CENPI: variants seen among roughly 807,000 people sequenced by gnomAD.
CENPI encodes the protein centromere protein I, also known as FSH primary response 1.
Under a neutral mutation model 60.4 loss-of-function variants are expected in CENPI, and 4 were observed. That is an observed-to-expected ratio of 0.07 (90% CI 0.03 to 0.15). CENPI has a LOEUF of 0.15. Among genes scored for constraint, CENPI ranks in the 10% least tolerant of loss-of-function variants. The pLI is 1.00. For synonymous variants in CENPI, 157 were observed against 189.4 expected (o/e 0.83, Z 1.40); for missense variants, 444 against 534.5 (o/e 0.83, Z 1.67).
At chrX:101,131,685 T>A (rs1435831959) in intron 13 of CENPI, among the ~76,000 whole-genome samples, 6 of 110,965 alleles carry the variant, frequency 5.4e-5, no homozygotes, top group Admixed American at 2.9e-4. Context: ...CTGGTGCATG[T>A]CACTGTGAAA....
chrX:101,111,272 C>T (rs1264795959), intron 6 of CENPI, among the ~76,000 whole-genome samples: 1 of 111,230 alleles, frequency 9.0e-6, no homozygotes, highest in Non-Finnish European at 1.9e-5. Flanking sequence ...CTAGGTATAA[C>T]ATGATGTCCT....
chrX:101,138,705 A>G (rs953671118), intron 15 of CENPI, among the ~76,000 whole-genome samples: 1 of 108,673 alleles, frequency 9.2e-6, no homozygotes, highest in Non-Finnish European at 1.9e-5. Flanking sequence ...GGCTCACTGC[A>G]ACCTCTGCTT....
rs1198984528 is a variant in CENPI at position 101,164,354 on chromosome X, A to G, written c.*1387A>G. Among the ~76,000 whole-genome samples the G allele has an allele frequency of 9.0e-6, 1 of 110,657 alleles. No individual in the cohort carries two copies. The highest frequency in any genetic ancestry group is 9.7e-5 in the Admixed American group (1 of 10,272). ...TTTGTTTTTGTTTTTGTTTTTTGAG[A>G]TGGAGTCTCACTCTGTTGCCCAGGC... On this transcript the variant is annotated 3_prime_UTR_variant, in exon 22 of 22. Coordinates refer to ENST00000682095, the MANE Select transcript of CENPI (RefSeq NM_001386188.2).
At chrX:101,104,988 ATT>A (rs1271458747) in intron 4 of CENPI, among the ~76,000 whole-genome samples, 7 of 111,652 alleles carry the variant, frequency 6.3e-5, no homozygotes, top group Non-Finnish European at 1.1e-4. Context: ...GTGTGTATTT[ATT>A]TTAAAGTAAC....
At chrX:101,151,073 C>G (rs1351868331) in intron 20 of CENPI, among the ~76,000 whole-genome samples, 2 of 111,655 alleles carry the variant, frequency 1.8e-5, no homozygotes, top group African/African-American at 6.5e-5. Flanking sequence ...GAGGACTTTT[C>G]TTTGCTTCTC....
At chrX:101,172,657 T>G in the CENPI span, among the ~76,000 whole-genome samples, 1 of 111,640 alleles carries the variant, frequency 9.0e-6, no homozygotes, top group Non-Finnish European at 1.9e-5. Context: ...GAGTGACTCT[T>G]AACGGATAAG....
At chrX:101,147,868 A>G in intron 19 of CENPI, 57 bp downstream of exon 19, 2 of 1,152,112 alleles carry the variant, frequency 1.7e-6, no homozygotes, top group Non-Finnish European at 2.4e-6. Context: ...AAGTCTAGAT[A>G]TATATGACCT....
At chrX:101,127,747 G>GT (rs2089751781) in intron 11 of CENPI, 82 bp downstream of exon 11, 5 of 829,754 alleles carry the variant, frequency 6.0e-6, no homozygotes, top group South Asian at 2.8e-5. Flanking sequence ...TGTTTGTTTT[G>GT]TTTTTTTGAG....
At chrX:101,121,242 T>C (rs1158629567) in intron 8 of CENPI, among the ~76,000 whole-genome samples, 7 of 111,278 alleles carry the variant, frequency 6.3e-5, no homozygotes, top group African/African-American at 2.3e-4. Context: ...AAAATCAGAA[T>C]CAGACTTGGG....
At chrX:101,160,848 G>A (rs1016914023) in intron 20 of CENPI, among the ~76,000 whole-genome samples, 1 of 111,456 alleles carries the variant, frequency 9.0e-6, no homozygotes, top group Admixed American at 9.6e-5. Context: ...ACATTGCACT[G>A]TACCACATAG....
chrX:101,099,297 G>A (rs1294743757), intron 2 of CENPI, among the ~76,000 whole-genome samples: 1 of 109,834 alleles, frequency 9.1e-6, no homozygotes, highest in African/African-American at 3.3e-5. Context: ...GTATGGTGGT[G>A]TGCGCCTGTA....
chrX:101,113,458 A>G (rs1439868674), intron 6 of CENPI, among the ~76,000 whole-genome samples: 1 of 110,284 alleles, frequency 9.1e-6, no homozygotes, highest in Non-Finnish European at 1.9e-5. Flanking sequence ...CTGGGATTAC[A>G]GGTATGTGCT....
Position 101,148,082 on chromosome X carries a change from G to C in CENPI, c.2015G>C (p.Gly672Ala). The part of the protein sequence containing the change: ...YIDPEILEKT[G>A]VAEYKNSLNV... ...GACCCTGAAATCCTAGAAAAAACTG[G>C]AGTGGCTGAATATAAAAACAGTTTA... The change falls in exon 20 of 22, where the codon GGA becomes GCA. Residue 672 changes from glycine to alanine, a missense_variant. Physicochemically the swap from Gly to Ala is moderately conservative, Grantham distance 60 (BLOSUM62 0). Transcript: ENST00000682095. 2 of 1,180,602 alleles carry C rather than the reference G, an allele frequency of 1.7e-6. No individual in the cohort carries two copies. The highest frequency in any genetic ancestry group is 2.3e-6 in the Non-Finnish European group (2 of 884,537).
chrX:101,154,520 G>A (rs1230355591), intron 20 of CENPI, among the ~76,000 whole-genome samples: 1 of 111,449 alleles, frequency 9.0e-6, no homozygotes, highest in Non-Finnish European at 1.9e-5. Context: ...GGCGGAGGTT[G>A]CGGTGAGCTG....
intron 20 of CENPI, among the ~76,000 whole-genome samples, chrX:101,150,123 TTTTCTC>T (rs1373452412): frequency 3.7e-5 from 4 of 108,814 alleles, no homozygotes; most frequent in Admixed American, 1.0e-4. Context: ...TTTCTTGTCT[TTTTCTC>T]TTTTCTTACC....
intron 4 of CENPI, among the ~76,000 whole-genome samples, chrX:101,104,852 GAA>G (rs58910115): frequency 1.9e-4 from 17 of 88,969 alleles, no homozygotes; most frequent in Admixed American, 3.8e-4. Flanking sequence ...CTGTCTCTGG[GAA>G]AAAAAAAAAA....
chrX:101,115,680 A>G (rs768736113), intron 6 of CENPI, among the ~76,000 whole-genome samples: 1 of 111,670 alleles, frequency 9.0e-6, no homozygotes, highest in Non-Finnish European at 1.9e-5. Context: ...ATTTTAAAAC[A>G]TTTTTTTGGT....
chrX:101,157,393 A>G (rs920349068), intron 20 of CENPI, among the ~76,000 whole-genome samples: 28 of 111,508 alleles, frequency 2.5e-4, no homozygotes, highest in African/African-American at 7.5e-4. Context: ...CATGCCTGTA[A>G]TCCCAGCACT....
chrX:101,167,060 T>C (rs749333922), downstream of CENPI, among the ~76,000 whole-genome samples: 40 of 112,940 alleles, frequency 3.5e-4, no homozygotes, highest in African/African-American at 1.3e-3. Flanking sequence ...GGCCCATTTT[T>C]TTCCTTTTTA....
Sources: gnomAD v4.1 joint callset for allele counts (sites outside exome capture counted in the v4.1 genomes callset) on GRCh38, gnomAD v4.1.1 for gene constraint, MANE v1.5 for transcripts, NCBI Gene and HGNC (gene_info 2026-07-23, HGNC 2026-07-21) for gene names.